RALYL: variants seen among roughly 807,000 people sequenced by gnomAD.
RALYL encodes RNA-binding Raly-like protein.
Under a neutral mutation model 35.1 loss-of-function variants are expected in RALYL, and 29 were observed. The ratio of observed to expected loss-of-function variants is 0.83; its 90% CI spans 0.61 to 1.13. The LOEUF is 1.13. Among genes scored for constraint, RALYL ranks in the 50% most tolerant of loss-of-function variants. The pLI, the probability that RALYL is intolerant of heterozygous loss-of-function variation, is 0.00. For missense variants in RALYL, 359 were observed against 360.4 expected (o/e 1.00, Z 0.03); for synonymous variants, 120 against 127.6 (o/e 0.94, Z 0.40).
At chr8:84,644,898 T>G (rs867902114) in intron 2 of RALYL, among the ~76,000 whole-genome samples, 62 of 151,832 alleles carry the variant, frequency 4.1e-4, no homozygotes, top group African/African-American at 1.5e-3. Context: ...ATTACGGGTA[T>G]GCACCACCAC....
At chr8:84,213,741 A>G (rs1820104145) in intron 1 of RALYL, among the ~76,000 whole-genome samples, 1 of 152,180 alleles carries the variant, frequency 6.6e-6, no homozygotes, top group African/African-American at 2.4e-5. Context: ...TTAATTACAG[A>G]GAAGTATTAC....
chr8:84,401,153 C>T (rs542833069), intron 1 of RALYL, among the ~76,000 whole-genome samples: 2 of 152,090 alleles, frequency 1.3e-5, no homozygotes, highest in Non-Finnish European at 2.9e-5. Context: ...AATTCAGCAG[C>T]TCAACAGTCA....
At chr8:84,514,871 C>G (rs1476588103) in intron 1 of RALYL, among the ~76,000 whole-genome samples, 1 of 152,078 alleles carries the variant, frequency 6.6e-6, no homozygotes, top group Non-Finnish European at 1.5e-5. Context: ...ATGAGAAAGT[C>G]CTCTAGAGAG....
chr8:84,577,198 G>T (rs1410906475), intron 2 of RALYL, among the ~76,000 whole-genome samples: 1 of 152,238 alleles, frequency 6.6e-6, no homozygotes, highest in African/African-American at 2.4e-5. Flanking sequence ...GAAGGAAACA[G>T]TCAATCTCAC....
intron 1 of RALYL, among the ~76,000 whole-genome samples, chr8:84,470,041 G>C (rs1307270982): frequency 2.6e-5 from 4 of 152,104 alleles, no homozygotes; most frequent in Admixed American, 2.6e-4. Context: ...CCACTGTCTG[G>C]CACTTCCTAG....
intron 1 of RALYL, among the ~76,000 whole-genome samples, chr8:84,494,950 G>A (rs182554494): frequency 7.2e-5 from 11 of 152,188 alleles, no homozygotes; most frequent in African/African-American, 2.4e-4. Context: ...TAGGAGTGGC[G>A]AGAGAGGGCA....
At chr8:84,705,035 T>C (rs1840942585) in intron 2 of RALYL, among the ~76,000 whole-genome samples, 1 of 152,214 alleles carries the variant, frequency 6.6e-6, no homozygotes, top group East Asian at 1.9e-4. Flanking sequence ...TCCTTCTGTA[T>C]TTTAAATAAC....
intron 8 of RALYL, among the ~76,000 whole-genome samples, chr8:84,909,311 T>C (rs111891729): frequency 2.0e-5 from 3 of 152,278 alleles, no homozygotes; most frequent in African/African-American, 7.2e-5. Flanking sequence ...GTTCAATAAA[T>C]ATCTCTTTAC....
chr8:84,420,169 A>G (rs1351930455), intron 1 of RALYL, among the ~76,000 whole-genome samples: 9 of 151,892 alleles, frequency 5.9e-5, no homozygotes, highest in Admixed American at 5.9e-4. Context: ...GCAACAGTGT[A>G]AAAGTGTTCC....
intron 1 of RALYL, among the ~76,000 whole-genome samples, chr8:84,218,376 C>G (rs1821343426): frequency 6.6e-6 from 1 of 151,692 alleles, no homozygotes; most frequent in South Asian, 2.1e-4. Flanking sequence ...ATGCCATTGA[C>G]AATAAGATAC....
chr8:84,401,263 C>G (rs1001610344), intron 1 of RALYL, among the ~76,000 whole-genome samples: 3 of 151,940 alleles, frequency 2.0e-5, no homozygotes, highest in South Asian at 4.2e-4. Flanking sequence ...CTGTTACTTT[C>G]TATTAAAAAA....
chr8:84,689,283 G>A (rs1444774262), intron 2 of RALYL, among the ~76,000 whole-genome samples: 1 of 151,986 alleles, frequency 6.6e-6, no homozygotes, highest in Non-Finnish European at 1.5e-5. Flanking sequence ...CTGTGTCCAT[G>A]TGTTCTCATT....
intron 1 of RALYL, among the ~76,000 whole-genome samples, chr8:84,221,968 T>A (rs1274401959): frequency 1.3e-5 from 2 of 152,106 alleles, no homozygotes; most frequent in East Asian, 3.8e-4. Flanking sequence ...TTATTTTAAA[T>A]ATCTATCTTT....
chr8:84,581,691 A>G (rs368470957), intron 2 of RALYL, among the ~76,000 whole-genome samples: 35 of 152,232 alleles, frequency 2.3e-4, no homozygotes, highest in African/African-American at 8.2e-4. Context: ...CTCTTTTGTA[A>G]TGTAGGTAAT....
At chr8:84,595,576 G>T (rs995095150) in intron 2 of RALYL, among the ~76,000 whole-genome samples, 16 of 151,932 alleles carry the variant, frequency 1.1e-4, no homozygotes, top group African/African-American at 3.6e-4. Context: ...TGTGAATAAC[G>T]GGCACTTTTA....
chr8:84,824,702 A>G (rs1389794726), intron 4 of RALYL, among the ~76,000 whole-genome samples: 1 of 152,162 alleles, frequency 6.6e-6, no homozygotes, highest in African/African-American at 2.4e-5. Context: ...ACCTGGAAGT[A>G]AAGCCACACA....
In RALYL at chr8:84,314,527, T is replaced by C. The variant is rs148707552; in HGVS notation, c.-24+130103T>C. Among the ~76,000 whole-genome samples the C allele has an allele frequency of 4.8e-3, 737 of 152,190 alleles. 9 individuals carry two copies. Among genetic ancestry groups the C allele is most frequent in the African/African-American group, 0.016 (675 of 41,540 alleles). On this transcript the variant is annotated intron_variant, in intron 1 of 8. Transcript: ENST00000521268. ...AAAAAAGATCTTCTCAATAAATATATGTGAAACCAAAACCGAATTGAAGAA... is the reference window on the plus strand; with the variant it reads ...AAAAAAGATCTTCTCAATAAATATACGTGAAACCAAAACCGAATTGAAGAA...
chr8:84,514,535 A>G (rs2057906307), intron 1 of RALYL, among the ~76,000 whole-genome samples: 1 of 152,204 alleles, frequency 6.6e-6, no homozygotes, highest in African/African-American at 2.4e-5. Flanking sequence ...GTGTACTCAC[A>G]CAGTGAAAAA....
intron 1 of RALYL, among the ~76,000 whole-genome samples, chr8:84,469,035 A>G (rs1190703578): frequency 6.6e-6 from 1 of 151,800 alleles, no homozygotes; most frequent in African/African-American, 2.4e-5. Flanking sequence ...TATTCTAGTT[A>G]TACATTCTTC....
Sources: gnomAD v4.1 joint callset for allele counts (sites outside exome capture counted in the v4.1 genomes callset) on GRCh38, gnomAD v4.1.1 for gene constraint, MANE v1.5 for transcripts, NCBI Gene and HGNC (gene_info 2026-07-23, HGNC 2026-07-21) for gene names.